The following ZNF814 variants were observed in gnomAD, a reference collection of about 807,000 sequenced individuals.
ZNF814 encodes the protein zinc finger protein 814.
A neutral mutation model predicts 7.5 loss-of-function variants in ZNF814; 5 were observed. The ratio of observed to expected loss-of-function variants is 0.67; its 90% CI spans 0.35 to 1.40. The LOEUF (loss-of-function observed/expected upper bound fraction) is 1.40. ZNF814 is among the 40% of genes most tolerant of loss of function. The pLI is 0.04. For synonymous variants in ZNF814, 315 were observed against 340.7 expected, an observed-to-expected ratio of 0.92 and a Z score of 0.83; for missense variants, 962 against 1,018.0, an observed-to-expected ratio of 0.94 and a Z score of 0.75.
At chr19:57,904,725 A>C in the ZNF814 span, among the ~76,000 whole-genome samples, 1 of 152,194 alleles carries the variant, frequency 6.6e-6, no homozygotes, top group African/African-American at 2.4e-5. Flanking sequence ...GTTTAAATTG[A>C]AGGTGCTGTT....
At chr19:57,898,748 C>T in the ZNF814 span, among the ~76,000 whole-genome samples, 8 of 152,144 alleles carry the variant, frequency 5.3e-5, no homozygotes, top group Admixed American at 2.0e-4. Flanking sequence ...TGAGACTATC[C>T]TGGCTAACAC....
intron 1 of ZNF814, among the ~76,000 whole-genome samples, chr19:57,885,544 C>T (rs1176667992): frequency 2.7e-5 from 4 of 150,214 alleles, no homozygotes; most frequent in Non-Finnish European, 4.4e-5. Flanking sequence ...GCAGGAGAAT[C>T]GCGTGAATCT....
In ZNF814 at chr19:57,874,158, CCACATT is replaced by C. The variant is rs1231111313; in HGVS notation, c.1226_1231del (p.Glu409_Cys410del). 8 of 1,592,088 alleles carry C rather than the reference CCACATT, an allele frequency of 5.0e-6. No individual in the cohort carries two copies. The highest frequency in any genetic ancestry group is 6.8e-6 in the Non-Finnish European group (8 of 1,169,100). On this transcript the variant is annotated inframe_deletion, in exon 3 of 3. Coordinates refer to ENST00000435989, the MANE Select transcript of ZNF814 (RefSeq NM_001144989.2). ...TTGACTAAAGGATTTCCCACATTCT[CCACATT>C]CATAATGTTTTTTGTCAGTGTGAAC... is the stretch of plus-strand genomic sequence containing the variant.
At chr19:57,900,939 C>T in the ZNF814 span, among the ~76,000 whole-genome samples, 40 of 143,998 alleles carry the variant, frequency 2.8e-4, no homozygotes, top group East Asian at 8.0e-3. Context: ...CTCCGCCTCC[C>T]GGGTTCACGC....
chr19:57,885,631 A>C (rs1182680572), intron 1 of ZNF814, among the ~76,000 whole-genome samples: 1 of 19,624 alleles, frequency 5.1e-5, no homozygotes, highest in African/African-American at 8.8e-5. Flanking sequence ...CTGTGTCTCA[A>C]AAAAAAAAAA....
In ZNF814 at chr19:57,874,712, T is replaced by C. The variant is rs781398244; in HGVS notation, c.678A>G (p.Lys226=). 2.0e-5 allele frequency: 32 copies of C among 1,590,944 alleles called. No individual in the cohort carries two copies. Among genetic ancestry groups the C allele is most frequent in the South Asian group, 1.2e-4 (11 of 88,706 alleles). ...CGESMKHFST[K]HILSQHQRLL... ...GTCTCTGGTGCTGACTGAGTATATG[T>C]TTGGTGCTAAAATGTTTCATGGATT... Residue 226 remains lysine (K), a synonymous_variant, in exon 3 of 3, where the codon AAA becomes AAG. Coordinates refer to ENST00000435989, the MANE Select transcript of ZNF814 (RefSeq NM_001144989.2).
chr19:57,887,024 C>T (rs551683281), intron 1 of ZNF814, among the ~76,000 whole-genome samples: 1 of 151,588 alleles, frequency 6.6e-6, no homozygotes, highest in South Asian at 2.1e-4. Context: ...CCCGTCTCTA[C>T]TAAACATACA....
At chr19:57,887,301 T>C (rs1261537825) in intron 1 of ZNF814, among the ~76,000 whole-genome samples, 1 of 152,240 alleles carries the variant, frequency 6.6e-6, no homozygotes, top group East Asian at 1.9e-4. Flanking sequence ...CTGTAAAAGA[T>C]TAGGCCTTCA....
intron 1 of ZNF814, among the ~76,000 whole-genome samples, chr19:57,878,093 G>A (rs1338717174): frequency 6.7e-6 from 1 of 149,346 alleles, no homozygotes; most frequent in Non-Finnish European, 1.5e-5. Context: ...TTGAACCCAG[G>A]AGGCAGAAGT....
the ZNF814 span, among the ~76,000 whole-genome samples, chr19:57,899,395 C>T: frequency 6.6e-6 from 1 of 152,204 alleles, no homozygotes; most frequent in Admixed American, 6.5e-5. Context: ...CATAGCCCCC[C>T]ATAAAATCCA....
rs75177271 is a variant in ZNF814 at position 57,888,731 on chromosome 19, G to A, written c.36+36C>T. 4.3e-4 allele frequency: 671 copies of A among 1,553,082 alleles called. 1 individual carries two copies. In the African/African-American group the frequency reaches 8.5e-3, roughly 20 times the overall value. On this transcript the variant is annotated intron_variant, in intron 1 of 2. Coordinates refer to ENST00000435989, the MANE Select transcript of ZNF814 (RefSeq NM_001144989.2). ...TACCTCGCTGCTTTTGGGTGACGAT[G>A]AGGTGACCTGAGGACACAGAAGGCC...
the ZNF814 span, among the ~76,000 whole-genome samples, chr19:57,900,947 CGCCATTCTCCT>C: frequency 6.7e-6 from 1 of 148,852 alleles, no homozygotes; most frequent in Non-Finnish European, 1.5e-5. Flanking sequence ...CCCGGGTTCA[CGCCATTCTCCT>C]GCCTCAGCCT....
chr19:57,894,929 C>T, the ZNF814 span, among the ~76,000 whole-genome samples: 1 of 152,068 alleles, frequency 6.6e-6, no homozygotes, highest in Non-Finnish European at 1.5e-5. Context: ...AGAAACGGAG[C>T]CTTCAATGCT....
intron 2 of ZNF814, among the ~76,000 whole-genome samples, chr19:57,876,055 G>T (rs1300181012): frequency 1.4e-5 from 2 of 145,346 alleles, no homozygotes. Flanking sequence ...CCCCTCCTGG[G>T]TTCAAGCAAT....
At chr19:57,890,173 C>T (rs1349092556), upstream of ZNF814, among the ~76,000 whole-genome samples, 1 of 151,996 alleles carries the variant, frequency 6.6e-6, no homozygotes. Flanking sequence ...GTGTAAACAC[C>T]CAGAGGGTTC....
chr19:57,879,998 G>A (rs2071638954), intron 1 of ZNF814, among the ~76,000 whole-genome samples: 1 of 117,282 alleles, frequency 8.5e-6, no homozygotes, highest in South Asian at 2.6e-4. Flanking sequence ...TCAGGAGGCT[G>A]AGGCAGGAGA....
At chr19:57,902,659 CTCT>C in the ZNF814 span, among the ~76,000 whole-genome samples, 3 of 151,482 alleles carry the variant, frequency 2.0e-5, no homozygotes, top group East Asian at 1.9e-4. Flanking sequence ...GGAAATATTA[CTCT>C]TCTTTTTTTT....
chr19:57,873,133 A>G lies in ZNF814; in HGVS notation c.2257T>C (p.Phe753Leu), dbSNP rs948012585. The G allele has an allele frequency of 1.9e-6, 3 of 1,613,704 alleles. No homozygotes were observed. The African/African-American group carries it at 4.0e-5, about 22-fold the overall frequency. Residue 753 changes from phenylalanine to leucine, a missense_variant, in exon 3 of 3, where the codon TTT (phenylalanine) becomes CTT (leucine). This residue lies in a region of ZNF814 where 665 missense variants were observed against 551.4 expected (regional missense o/e 1.21). Coordinates refer to ENST00000435989, the MANE Select transcript of ZNF814 (RefSeq NM_001144989.2). ...ACACAGAATGTAGAGCTGTGGGTAAATGATTTTCCACAATCATTGCATTCA... is the reference window on the plus strand; with the variant it reads ...ACACAGAATGTAGAGCTGTGGGTAAGTGATTTTCCACAATCATTGCATTCA... ...PYECNDCGKSFTHSSTFCVHK... is the reference protein window; with the variant it reads ...PYECNDCGKSLTHSSTFCVHK...
At chr19:57,880,969 G>GA (rs1387364058) in intron 1 of ZNF814, among the ~76,000 whole-genome samples, 1 of 152,036 alleles carries the variant, frequency 6.6e-6, no homozygotes, top group Non-Finnish European at 1.5e-5. Flanking sequence ...ACCTTTGTAA[G>GA]AACCAAAAAT....
Sources: allele counts gnomAD v4.1 joint callset (sites outside exome capture counted in the v4.1 genomes callset), GRCh38; gene constraint gnomAD v4.1.1; regional missense constraint gnomAD v4.1.1; transcripts MANE v1.5; gene names NCBI Gene and HGNC (gene_info 2026-07-23, HGNC 2026-07-21).